Variants in SND1 observed in about 807,000 individuals in gnomAD.
SND1 encodes the protein staphylococcal nuclease and tudor domain containing 1, also known as staphylococcal nuclease domain-containing protein 1.
In SND1, 38 loss-of-function variants were observed where a neutral mutation model predicts 121.7. The ratio of observed to expected loss-of-function variants is 0.31; its 90% CI spans 0.24 to 0.41. The LOEUF (loss-of-function observed/expected upper bound fraction) is 0.41. SND1 is among the 10% of genes least tolerant of loss of function. The pLI is 1.00. For missense variants in SND1, 868 were observed against 1,184.6 expected, an observed-to-expected ratio of 0.73 and a Z score of 3.92; for synonymous variants, 401 against 447.4, an observed-to-expected ratio of 0.90 and a Z score of 1.31.
At chr7:128,031,292 GCGCTCCGGCGGCCCCGGCC>G (rs947528042) in intron 16 of SND1, among the ~76,000 whole-genome samples, 27 of 151,878 alleles carry the variant, frequency 1.8e-4, no homozygotes, top group South Asian at 1.0e-3. Context: ...TCGCCAAAGT[GCGCTCCGGCGGCCCCGGCC>G]CGCTCTGCGG....
At chr7:127,684,940 C>T (rs1274935694) in intron 1 of SND1, among the ~76,000 whole-genome samples, 1 of 151,684 alleles carries the variant, frequency 6.6e-6, no homozygotes, top group Non-Finnish European at 1.5e-5. Flanking sequence ...TTGGAATGTA[C>T]AATATTGTTT....
At chr7:127,899,190 C>T (rs1174468867) in intron 13 of SND1, among the ~76,000 whole-genome samples, 3 of 152,004 alleles carry the variant, frequency 2.0e-5, no homozygotes, top group Non-Finnish European at 4.4e-5. Flanking sequence ...AGTCTAGATA[C>T]AGAAATAAAG....
At chr7:127,703,980 G>C (rs1331428719) in intron 7 of SND1, among the ~76,000 whole-genome samples, 2 of 152,180 alleles carry the variant, frequency 1.3e-5, no homozygotes, top group Non-Finnish European at 2.9e-5. Context: ...AGTATTGGTA[G>C]ATCAATGATG....
At chr7:127,672,567 C>T (rs1017380347) in intron 1 of SND1, among the ~76,000 whole-genome samples, 4 of 151,500 alleles carry the variant, frequency 2.6e-5, no homozygotes, top group African/African-American at 4.9e-5. Context: ...GAGCCGAGAT[C>T]GCACCACTGC....
chr7:127,713,027 A>G (rs1326144320), intron 9 of SND1, among the ~76,000 whole-genome samples: 3 of 152,268 alleles, frequency 2.0e-5, no homozygotes, highest in Admixed American at 2.0e-4. Context: ...GTTAACCAGT[A>G]TATACCACTA....
chr7:127,687,008 G>T, intron 2 of SND1: 1 of 374,930 alleles, frequency 2.7e-6, no homozygotes, highest in South Asian at 5.8e-5. Flanking sequence ...GATTTGTTGT[G>T]TTTTCACTAC....
intron 14 of SND1, among the ~76,000 whole-genome samples, chr7:127,919,589 G>A (rs1370165019): frequency 1.3e-5 from 2 of 152,160 alleles, no homozygotes; most frequent in Non-Finnish European, 2.9e-5. Context: ...GTGCACAGTT[G>A]TAGATGGTGG....
intron 10 of SND1, among the ~76,000 whole-genome samples, chr7:127,761,118 CAT>C: frequency 6.6e-6 from 1 of 152,322 alleles, no homozygotes; most frequent in East Asian, 1.9e-4. Flanking sequence ...CTACCTCTAT[CAT>C]CTTGGCCATC....
chr7:127,988,813 C>G (rs953812476), intron 15 of SND1, among the ~76,000 whole-genome samples: 1 of 152,184 alleles, frequency 6.6e-6, no homozygotes, highest in African/African-American at 2.4e-5. Context: ...GCAGCCCCAC[C>G]CAACAGCACC....
chr7:127,714,369 A>G (rs1796349510), intron 9 of SND1, among the ~76,000 whole-genome samples: 2 of 152,188 alleles, frequency 1.3e-5, no homozygotes, highest in Admixed American at 6.5e-5. Flanking sequence ...AGTAGATTTT[A>G]AAATGTATTT....
chr7:127,854,940 G>A (rs1471145100), intron 12 of SND1, among the ~76,000 whole-genome samples: 2 of 151,538 alleles, frequency 1.3e-5, no homozygotes, highest in Admixed American at 1.3e-4. Context: ...AGAAAATAGG[G>A]GAAATTGCCT....
Position 128,089,662 on chromosome 7 carries a change from G to A in SND1, c.2592G>A (p.Glu864=). The A allele has an allele frequency of 6.2e-7, 1 of 1,614,162 alleles. No individual in the cohort carries two copies. Among genetic ancestry groups the A allele is most frequent in the Non-Finnish European group, 8.5e-7 (1 of 1,180,034 alleles). ...GLVKEGLVMV[E]VRKEKQFQKV... is the part of the protein sequence containing the mutation. ...TGAAGGAAGGGCTGGTCATGGTGGA[G>A]GTGCGCAAGGAGAAACAGTTCCAGA... Residue 864 remains glutamate, a synonymous_variant, in exon 22 of 24, where the codon GAG becomes GAA. Transcript: ENST00000354725.
chr7:127,987,835 TATATAGTC>T (rs1802429752), intron 15 of SND1, among the ~76,000 whole-genome samples: 1 of 152,034 alleles, frequency 6.6e-6, no homozygotes, highest in Admixed American at 6.5e-5. Flanking sequence ...ATAACTAACA[TATATAGTC>T]AAGATTAACC....
chr7:127,905,782 C>T (rs1305560410), intron 14 of SND1, among the ~76,000 whole-genome samples: 3 of 151,976 alleles, frequency 2.0e-5, no homozygotes, highest in Admixed American at 2.0e-4. Flanking sequence ...GGGAAGATGC[C>T]CAGGGGAGAT....
At chr7:127,955,789 C>G (rs1801578673) in intron 15 of SND1, among the ~76,000 whole-genome samples, 1 of 152,092 alleles carries the variant, frequency 6.6e-6, no homozygotes, top group African/African-American at 2.4e-5. Flanking sequence ...CAAGGGAGAC[C>G]ATTCTAAGAC....
At chr7:128,048,803 G>C (rs1792997342) in intron 16 of SND1, among the ~76,000 whole-genome samples, 1 of 152,150 alleles carries the variant, frequency 6.6e-6, no homozygotes, top group African/African-American at 2.4e-5. Context: ...GAGATCCTCA[G>C]TTCTCCAAAT....
chr7:127,858,206 TC>T, intron 12 of SND1: 1 of 782,182 alleles, frequency 1.3e-6, no homozygotes, highest in South Asian at 1.4e-5. Flanking sequence ...GGCCAACTGT[TC>T]CCTCGTTTCC....
At chr7:127,910,723 C>T (rs1800435843) in intron 14 of SND1, among the ~76,000 whole-genome samples, 1 of 152,144 alleles carries the variant, frequency 6.6e-6, no homozygotes, top group African/African-American at 2.4e-5. Context: ...AATAGCCCTT[C>T]CCTTTTTTAC....
chr7:127,732,045 C>T (rs1175610479), intron 10 of SND1, among the ~76,000 whole-genome samples: 1 of 152,244 alleles, frequency 6.6e-6, no homozygotes, highest in Non-Finnish European at 1.5e-5. Flanking sequence ...TGGGAACACG[C>T]TGTCTCTTTG....
Sources: allele counts gnomAD v4.1 joint callset (sites outside exome capture counted in the v4.1 genomes callset), GRCh38; gene constraint gnomAD v4.1.1; transcripts MANE v1.5; gene names NCBI Gene and HGNC (gene_info 2026-07-23, HGNC 2026-07-21).